The following DNAH9 variants were observed in gnomAD, a reference collection of about 807,000 sequenced individuals.
DNAH9 encodes DNAH9 variant protein.
In DNAH9, 345 loss-of-function variants were observed where a neutral mutation model predicts 471.6. The ratio of observed to expected loss-of-function variants is 0.73; its 90% CI spans 0.67 to 0.80. The LOEUF is 0.80. Among genes scored for constraint, DNAH9 ranks in the 30% least tolerant of loss-of-function variants. The pLI, the probability that DNAH9 is intolerant of heterozygous loss-of-function variation, is 0.00. For synonymous variants in DNAH9, 2,093 were observed against 2,123.6 expected (o/e 0.99, Z 0.40); for missense variants, 5,407 against 5,609.2 (o/e 0.96, Z 1.15).
chr17:11,698,392 T>A (rs1567729041), intron 22 of DNAH9, among the ~76,000 whole-genome samples: 2 of 142,036 alleles, frequency 1.4e-5, no homozygotes, highest in Non-Finnish European at 3.0e-5. Flanking sequence ...ATTATATATT[T>A]TATATATATA....
chr17:11,624,190 C>T (rs2072927211), intron 6 of DNAH9, among the ~76,000 whole-genome samples: 1 of 152,136 alleles, frequency 6.6e-6, no homozygotes, highest in South Asian at 2.1e-4. Context: ...CTATCCCATG[C>T]CAGAGCCTGT....
chr17:11,763,023 CCCT>C (rs908650192), intron 35 of DNAH9, among the ~76,000 whole-genome samples: 1 of 151,954 alleles, frequency 6.6e-6, no homozygotes, highest in African/African-American at 2.4e-5. Flanking sequence ...TCGTGATCCT[CCCT>C]CCTCAGCCTC....
At chr17:11,675,523 A>G (rs996707147) in intron 17 of DNAH9, among the ~76,000 whole-genome samples, 3 of 152,168 alleles carry the variant, frequency 2.0e-5, no homozygotes, top group African/African-American at 7.2e-5. Context: ...CTCTGATCTT[A>G]AAAGGAGTGC....
chr17:11,742,248 G>A lies in DNAH9; in HGVS notation c.6046G>A (p.Ala2016Thr), dbSNP rs756404862. The change falls in exon 30 of 69, where the codon GCC becomes ACC. Residue 2016 changes from alanine (A) to threonine (T), a missense_variant. Ala to Thr is a moderately conservative substitution (Grantham distance 58, BLOSUM62 0). Transcript: ENST00000262442. ...IMLVAEGFIEAQSLARKFITL... is the reference protein window; with the variant it reads ...IMLVAEGFIETQSLARKFITL... ...GCTGGTGGCAGAAGGATTCATTGAAGCCCAGTCATTAGCCAGAAAGTTCAT... is the reference window on the plus strand; with the variant it reads ...GCTGGTGGCAGAAGGATTCATTGAAACCCAGTCATTAGCCAGAAAGTTCAT... 3.7e-6 allele frequency: 6 copies of A among 1,613,916 alleles called. No individual in the cohort carries two copies. In the East Asian group the frequency reaches 6.7e-5, roughly 18 times the overall value.
rs760224758 is a variant in DNAH9, at chr17:11,768,465, C to G, written c.7183C>G (p.Arg2395Gly). 1.2e-6 allele frequency: 2 copies of G among 1,613,726 alleles called. No individual in the cohort carries two copies. The highest frequency in any genetic ancestry group is 1.1e-5 in the South Asian group (1 of 91,062). The change falls in exon 37 of 69, where the codon CGG (arginine) becomes GGG (glycine). Residue 2395 changes from arginine (R) to glycine (G), a missense_variant. Around this residue, in one of 3 missense-constraint regions of DNAH9, gnomAD observed 4,636 missense variants for 4,900.3 expected, o/e 0.95. Transcript: ENST00000262442. Reference protein sequence around the residue: ...AMVQDQLVDYRAEFSKWWLTE... With the variant: ...AMVQDQLVDYGAEFSKWWLTE... ...TTTGTTTTTGCAGCTTGTGGACTAC[C>G]GGGCAGAGTTCAGCAAATGGTGGCT... is the stretch of plus-strand genomic sequence containing the variant.
chr17:11,895,488 GTTTAT>G (rs1292112452), intron 59 of DNAH9, among the ~76,000 whole-genome samples: 1 of 152,090 alleles, frequency 6.6e-6, no homozygotes, highest in East Asian at 1.9e-4. Flanking sequence ...TATTAAAATG[GTTTAT>G]TTTGAGACAA....
rs61745426 is a variant in DNAH9, at chr17:11,647,096, T to C, written c.1995T>C (p.Asp665=). 3,260 of 1,613,892 alleles carry C rather than the reference T, an allele frequency of 2.0e-3. 75 individuals carry two copies. In the African/African-American group the frequency reaches 0.039, roughly 19 times the overall value. ...LEKYETRLYE[D]WCRTVSEKSQ... The stretch of plus-strand genomic sequence containing the variant: ...GGTATGAGACAAGACTTTATGAGGA[T>C]TGGTGCCGGACAGTATCAGAGAAGT... Residue 665 remains aspartate, a synonymous_variant, in exon 12 of 69, where the codon GAT becomes GAC. Transcript: ENST00000262442.
At chr17:11,940,448 TC>T (rs2151044696) in intron 66 of DNAH9, among the ~76,000 whole-genome samples, 1 of 152,342 alleles carries the variant, frequency 6.6e-6, no homozygotes, top group Admixed American at 6.5e-5. Flanking sequence ...AGCTGTTTTT[TC>T]AAACTCTGCT....
chr17:11,774,472 A>G (rs939512202), intron 38 of DNAH9, among the ~76,000 whole-genome samples: 2 of 152,170 alleles, frequency 1.3e-5, no homozygotes, highest in Admixed American at 1.3e-4. Context: ...TCATGGTGGA[A>G]GGCAAAGGAG....
At chr17:11,655,684 T>C (rs1211839020) in intron 14 of DNAH9, among the ~76,000 whole-genome samples, 1 of 149,732 alleles carries the variant, frequency 6.7e-6, no homozygotes, top group Non-Finnish European at 1.5e-5. Flanking sequence ...TACTCAGCCA[T>C]GAAAAGGAAT....
At chr17:11,899,433 AGTCTGGTT>A (rs1230252219) in intron 59 of DNAH9, among the ~76,000 whole-genome samples, 4 of 152,204 alleles carry the variant, frequency 2.6e-5, no homozygotes. Context: ...CCTTACTACC[AGTCTGGTT>A]GCCAATTTAG....
At chr17:11,620,762 C>T (rs1053417593) in intron 6 of DNAH9, among the ~76,000 whole-genome samples, 7 of 152,100 alleles carry the variant, frequency 4.6e-5, no homozygotes, top group South Asian at 2.1e-4. Flanking sequence ...TAACCATTCC[C>T]GCAAAGCTGG....
At chr17:11,769,066 G>A (rs1001684479) in intron 37 of DNAH9, 56 bp from the exon 38 acceptor site, 3 of 1,577,546 alleles carry the variant, frequency 1.9e-6, no homozygotes. Flanking sequence ...CGCCGCTGGT[G>A]CATCTGTTTC....
intron 61 of DNAH9, among the ~76,000 whole-genome samples, chr17:11,912,888 C>T (rs897248828): frequency 6.6e-6 from 1 of 152,022 alleles, no homozygotes; most frequent in Non-Finnish European, 1.5e-5. Context: ...ATTTTGTAGG[C>T]CAGGCACTGT....
At chr17:11,784,680 G>C (rs1278288769) in intron 41 of DNAH9, 141 bp downstream of exon 41, 1 of 1,211,622 alleles carries the variant, frequency 8.3e-7, no homozygotes, top group Non-Finnish European at 1.2e-6. Context: ...ACATAAGCAG[G>C]TACACACAGT....
intron 36 of DNAH9, among the ~76,000 whole-genome samples, chr17:11,765,623 A>C (rs1199855786): frequency 6.6e-6 from 1 of 152,146 alleles, no homozygotes; most frequent in Non-Finnish European, 1.5e-5. Flanking sequence ...CAGAAAGGGA[A>C]GTCTCCAAGG....
intron 26 of DNAH9, among the ~76,000 whole-genome samples, chr17:11,712,026 A>T (rs1269485493): frequency 7.3e-5 from 1 of 13,690 alleles, no homozygotes; most frequent in South Asian, 4.8e-3. Context: ...ATATATAAAT[A>T]TATATATTTA....
At chr17:11,837,297 A>G (rs1970880861) in intron 49 of DNAH9, among the ~76,000 whole-genome samples, 1 of 152,228 alleles carries the variant, frequency 6.6e-6, no homozygotes, top group South Asian at 2.1e-4. Flanking sequence ...TTGAATGAGT[A>G]CCTACTATGT....
At chr17:11,875,580 A>C in intron 53 of DNAH9, 1 of 167,138 alleles carries the variant, frequency 6.0e-6, no homozygotes, top group Non-Finnish European at 1.3e-5. Flanking sequence ...CATTATTTCT[A>C]CCTCTGCCCT....
Sources: gnomAD v4.1 joint callset for allele counts (sites outside exome capture counted in the v4.1 genomes callset) on GRCh38, gnomAD v4.1.1 for gene constraint, gnomAD v4.1.1 regional missense constraint, MANE v1.5 for transcripts, NCBI Gene and HGNC (gene_info 2026-07-23, HGNC 2026-07-21) for gene names.